SYNE1: variants seen among roughly 807,000 people sequenced by gnomAD.
SYNE1 encodes the protein nesprin-1.
Under a neutral mutation model 1,111.0 loss-of-function variants are expected in SYNE1, and 616 were observed. The ratio of observed to expected loss-of-function variants is 0.55; its 90% CI spans 0.52 to 0.59. The LOEUF is 0.59. SYNE1 is among the 20% of genes least tolerant of loss of function. The pLI is 0.00. For missense variants in SYNE1, 10,006 were observed against 10,417.0 expected, an observed-to-expected ratio of 0.96 and a Z score of 1.72; for synonymous variants, 3,855 against 3,825.8, an observed-to-expected ratio of 1.01 and a Z score of -0.28.
chr6:152,522,224 C>T (rs1204767924), intron 5 of SYNE1, among the ~76,000 whole-genome samples: 1 of 152,076 alleles, frequency 6.6e-6, no homozygotes, highest in African/African-American at 2.4e-5. Flanking sequence ...CCTCATCCTT[C>T]TGAGTCTCCA....
intron 39 of SYNE1, among the ~76,000 whole-genome samples, chr6:152,422,470 C>A (rs1276899505): frequency 6.6e-6 from 1 of 152,028 alleles, no homozygotes; most frequent in African/African-American, 2.4e-5. Flanking sequence ...TGCTTTTCCA[C>A]TCCTTTGTCT....
chr6:152,440,851 GTC>G (rs1473688012), intron 32 of SYNE1, among the ~76,000 whole-genome samples: 21 of 151,874 alleles, frequency 1.4e-4, no homozygotes, highest in African/African-American at 4.8e-4. Context: ...CAGGAGTTGA[GTC>G]ACAGCGCGCG....
chr6:152,213,784 A>G, intron 122 of SYNE1, 25 bp from the exon 123 acceptor site: 1 of 1,613,946 alleles, frequency 6.2e-7, no homozygotes, highest in Non-Finnish European at 8.5e-7. Context: ...GGCAAGGAAC[A>G]ATGGTTATTT....
intron 91 of SYNE1, among the ~76,000 whole-genome samples, chr6:152,308,076 C>T (rs1279217790): frequency 6.6e-6 from 1 of 152,006 alleles, no homozygotes; most frequent in African/African-American, 2.4e-5. Context: ...CATGATCCAC[C>T]CATCTTGGCC....
At chr6:152,232,538 AT>A (rs1446187515) in intron 112 of SYNE1, among the ~76,000 whole-genome samples, 2 of 152,230 alleles carry the variant, frequency 1.3e-5, no homozygotes, top group African/African-American at 4.8e-5. Flanking sequence ...AGAAGAGAAT[AT>A]TATTCTTATT....
intron 32 of SYNE1, among the ~76,000 whole-genome samples, chr6:152,436,596 T>C (rs2098476422): frequency 6.6e-6 from 1 of 152,176 alleles, no homozygotes; most frequent in South Asian, 2.1e-4. Flanking sequence ...CCACCATGCC[T>C]GGCTAACTTT....
At position 152,356,235 on chromosome 6, in the gene SYNE1, G is replaced by A. The variant is rs73784322; in HGVS notation, c.10609-1259C>T. On this transcript the variant is annotated intron_variant, in intron 66 of 145. Coordinates refer to ENST00000367255, the MANE Select transcript of SYNE1 (RefSeq NM_182961.4). ...AGACGATACATAAATAAATGGGTGT[G>A]GCTGCATTCCAATAATATTTTATTT... Among the ~76,000 whole-genome samples, 695 of 151,786 alleles carry A rather than the reference G, an allele frequency of 4.6e-3. 5 individuals are homozygous for A. Among genetic ancestry groups the A allele is most frequent in the African/African-American group, 0.016 (662 of 41,414 alleles).
intron 61 of SYNE1, chr6:152,367,877 G>A: frequency 6.1e-6 from 1 of 164,078 alleles, no homozygotes; most frequent in Non-Finnish European, 1.3e-5. Context: ...TGAAGACTTT[G>A]CAAGAATAAT....
intron 3 of SYNE1, among the ~76,000 whole-genome samples, chr6:152,603,990 A>G (rs1454783197): frequency 6.8e-6 from 1 of 146,760 alleles, no homozygotes; most frequent in East Asian, 2.0e-4. Context: ...ATCTGTATCT[A>G]TATCTGTATA....
chr6:152,276,027 CTTCTTT>C (rs2093602125), intron 98 of SYNE1, among the ~76,000 whole-genome samples: 1 of 129,060 alleles, frequency 7.7e-6, no homozygotes, highest in South Asian at 2.5e-4. Flanking sequence ...AAATTCTCGA[CTTCTTT>C]TTTTTTTTTT....
chr6:152,577,595 T>C (rs1014014788), intron 3 of SYNE1, among the ~76,000 whole-genome samples: 1 of 152,062 alleles, frequency 6.6e-6, no homozygotes, highest in Non-Finnish European at 1.5e-5. Flanking sequence ...ATGGTGCCAC[T>C]GCACTCCAGC....
At chr6:152,177,375 A>T (rs1331385189) in intron 129 of SYNE1, among the ~76,000 whole-genome samples, 1 of 152,196 alleles carries the variant, frequency 6.6e-6, no homozygotes, top group African/African-American at 2.4e-5. Context: ...CTCTTGCCAC[A>T]GTGACAGGAT....
chr6:152,403,870 C>T (rs776074679), intron 46 of SYNE1, among the ~76,000 whole-genome samples: 2 of 151,792 alleles, frequency 1.3e-5, no homozygotes, highest in African/African-American at 2.4e-5. Context: ...TTATAATATT[C>T]GAGTTGGAAA....
chr6:152,203,780 T>G (rs2075975057), intron 126 of SYNE1, among the ~76,000 whole-genome samples: 1 of 152,104 alleles, frequency 6.6e-6, no homozygotes, highest in African/African-American at 2.4e-5. Flanking sequence ...TCTTTAAAAT[T>G]CCTTCATAGA....
chr6:152,593,282 G>A (rs921051950), intron 3 of SYNE1, among the ~76,000 whole-genome samples: 1 of 152,138 alleles, frequency 6.6e-6, no homozygotes, highest in Non-Finnish European at 1.5e-5. Context: ...AATGAAATGT[G>A]TTATGAAATG....
At chr6:152,297,811 G>A (rs901971751) in intron 93 of SYNE1, among the ~76,000 whole-genome samples, 14 of 103,974 alleles carry the variant, frequency 1.3e-4, no homozygotes, top group African/African-American at 5.5e-4. Context: ...GTGTGTGTGT[G>A]TGTGTGTGTG....
intron 58 of SYNE1, among the ~76,000 whole-genome samples, chr6:152,374,369 G>A (rs2097242974): frequency 6.6e-6 from 1 of 152,176 alleles, no homozygotes; most frequent in Non-Finnish European, 1.5e-5. Flanking sequence ...TTTTGTCATA[G>A]ATTTTGATTA....
At position 152,220,879 on chromosome 6, in the gene SYNE1, G is replaced by T; in HGVS notation, c.21824C>A (p.Ala7275Asp). The T allele has an allele frequency of 6.2e-7, 1 of 1,614,028 alleles. No homozygotes were observed. Among genetic ancestry groups the T allele is most frequent in the African/African-American group, 1.3e-5 (1 of 75,034 alleles). ...LLKAATNKDI[A>D]DDEVATWIQD... ...AATCCATGTGGCAACCTCATCATCG[G>T]CAATGTCCTTGTTTGTGGCTGCCTT... The change falls in exon 119 of 146, where the codon GCC (alanine) becomes GAC (aspartate). Residue 7275 changes from alanine (A) to aspartate (D), a missense_variant. Physicochemically the swap from Ala to Asp is moderately radical, Grantham distance 126. This residue lies in a region of SYNE1 where 2,182 missense variants were observed against 2,287.8 expected (regional missense o/e 0.95). Transcript: ENST00000367255.
chr6:152,145,805 A>G, intron 137 of SYNE1: 1 of 426,118 alleles, frequency 2.3e-6, no homozygotes, highest in South Asian at 2.1e-5. Flanking sequence ...CGGGTGGATC[A>G]CCTGAGGTCA....
Sources: gnomAD v4.1 joint callset for allele counts (sites outside exome capture counted in the v4.1 genomes callset) on GRCh38, gnomAD v4.1.1 for gene constraint, gnomAD v4.1.1 regional missense constraint, MANE v1.5 for transcripts, NCBI Gene and HGNC (gene_info 2026-07-23, HGNC 2026-07-21) for gene names.